ALK: variants seen among roughly 807,000 people sequenced by gnomAD.
ALK encodes the protein ALK tyrosine kinase receptor.
ALK carries 74 observed loss-of-function variants against 163.1 expected under a neutral mutation model. The observed-to-expected ratio is 0.45, with a 90% confidence interval of 0.38 to 0.55. The LOEUF is 0.55. ALK is among the 20% of genes least tolerant of loss of function. ALK has a pLI of 0.00. For synonymous variants in ALK, 960 were observed against 843.2 expected, an observed-to-expected ratio of 1.14 and a Z score of -2.40; for missense variants, 2,063 against 2,105.3, an observed-to-expected ratio of 0.98 and a Z score of 0.39.
chr2:29,681,328 T>C (rs1340300162), intron 3 of ALK: 5 of 152,246 alleles, frequency 3.3e-5, no homozygotes, highest in Non-Finnish European at 5.9e-5. Flanking sequence ...CCCAGCTGTT[T>C]TGATTTTTAA....
intron 5 of ALK, among the ~76,000 whole-genome samples, chr2:29,342,359 G>A (rs1020234858): frequency 6.6e-6 from 1 of 152,148 alleles, no homozygotes; most frequent in African/African-American, 2.4e-5. Context: ...AAAGACAAAT[G>A]TGCCATTTCA....
chr2:29,339,799 A>G (rs1222887380), intron 5 of ALK, among the ~76,000 whole-genome samples: 1 of 152,142 alleles, frequency 6.6e-6, no homozygotes, highest in African/African-American at 2.4e-5. Flanking sequence ...CTAGGGTGGG[A>G]CCAGGGCTGT....
intron 11 of ALK, among the ~76,000 whole-genome samples, chr2:29,271,981 A>C (rs1409224668): frequency 6.6e-6 from 1 of 152,152 alleles, no homozygotes; most frequent in East Asian, 1.9e-4. Flanking sequence ...TCCAAGGAGA[A>C]GGATAGAGGG....
At chr2:29,652,262 C>A (rs1446247327) in intron 3 of ALK, among the ~76,000 whole-genome samples, 3 of 152,018 alleles carry the variant, frequency 2.0e-5, no homozygotes, top group African/African-American at 7.2e-5. Flanking sequence ...TTATAGTCTT[C>A]AGATTGGGAA....
chr2:29,606,406 G>A (rs958434210), intron 3 of ALK, among the ~76,000 whole-genome samples: 1 of 152,244 alleles, frequency 6.6e-6, no homozygotes, highest in Non-Finnish European at 1.5e-5. Flanking sequence ...ATCTACATGG[G>A]CCATTCTAGG....
At chr2:29,872,881 A>G (rs1288054215) in intron 1 of ALK, among the ~76,000 whole-genome samples, 1 of 152,236 alleles carries the variant, frequency 6.6e-6, no homozygotes, top group Admixed American at 6.5e-5. Flanking sequence ...GAATGTACAG[A>G]CAAATCCTCT....
intron 4 of ALK, among the ~76,000 whole-genome samples, chr2:29,434,347 A>T (rs948165978): frequency 1.3e-5 from 2 of 152,190 alleles, no homozygotes; most frequent in Non-Finnish European, 2.9e-5. Context: ...CTGAAAGATG[A>T]GAAAGTAGAA....
intron 12 of ALK, among the ~76,000 whole-genome samples, chr2:29,240,761 G>A (rs974170960): frequency 1.3e-5 from 2 of 152,278 alleles, no homozygotes; most frequent in Non-Finnish European, 2.9e-5. Context: ...TCAGAAGAGC[G>A]GCATGTCTTG....
At chr2:29,372,784 G>C (rs989319121) in intron 5 of ALK, among the ~76,000 whole-genome samples, 15 of 152,040 alleles carry the variant, frequency 9.9e-5, no homozygotes, top group Non-Finnish European at 1.5e-5. Flanking sequence ...CATCTTTTTG[G>C]CCATTTCACT....
At chr2:29,555,425 C>A (rs1432316616) in intron 3 of ALK, among the ~76,000 whole-genome samples, 3 of 152,032 alleles carry the variant, frequency 2.0e-5, no homozygotes, top group Admixed American at 6.6e-5. Context: ...GGGTAATCTC[C>A]CCAGTCATGG....
intron 4 of ALK, among the ~76,000 whole-genome samples, chr2:29,432,352 T>C (rs912529477): frequency 6.6e-6 from 1 of 152,126 alleles, no homozygotes. Flanking sequence ...CATTGCTCTC[T>C]CCCTTGCCAT....
chr2:29,584,574 C>T (rs1158570020), intron 3 of ALK, among the ~76,000 whole-genome samples: 2 of 152,202 alleles, frequency 1.3e-5, no homozygotes, highest in African/African-American at 4.8e-5. Flanking sequence ...CCCTGCCCTT[C>T]ACTTCTTCCT....
At chr2:29,831,520 G>A (rs1020648380) in intron 1 of ALK, among the ~76,000 whole-genome samples, 3 of 152,078 alleles carry the variant, frequency 2.0e-5, no homozygotes, top group Admixed American at 2.0e-4. Context: ...TTTACTGTGT[G>A]TGCTGTGTCC....
At chr2:29,429,051 C>T (rs1670212136) in intron 4 of ALK, among the ~76,000 whole-genome samples, 1 of 151,920 alleles carries the variant, frequency 6.6e-6, no homozygotes, top group African/African-American at 2.4e-5. Flanking sequence ...CAAACTTGAA[C>T]ACCGTATCAT....
intron 6 of ALK, among the ~76,000 whole-genome samples, chr2:29,325,641 G>T (rs1667232898): frequency 6.6e-6 from 1 of 152,218 alleles, no homozygotes; most frequent in South Asian, 2.1e-4. Context: ...TTACCCTGCA[G>T]TGGTTTGAGT....
chr2:29,328,200 G>C, intron 6 of ALK, 150 bp downstream of exon 6: 1 of 1,117,382 alleles, frequency 8.9e-7, no homozygotes, highest in Non-Finnish European at 1.3e-6. Flanking sequence ...TCTGCCTCTT[G>C]AAGACTGTGT....
chr2:29,763,039 A>T (rs893432799), intron 1 of ALK, among the ~76,000 whole-genome samples: 1 of 149,988 alleles, frequency 6.7e-6, no homozygotes, highest in African/African-American at 2.5e-5. Flanking sequence ...GTGAGCCGAG[A>T]TCGCGCCACT....
intron 2 of ALK, among the ~76,000 whole-genome samples, chr2:29,709,950 G>C (rs939404786): frequency 1.3e-5 from 2 of 152,132 alleles, no homozygotes; most frequent in Non-Finnish European, 2.9e-5. Context: ...TGGCTTTGCT[G>C]TTGATATGAT....
chr2:29,717,839 C>T, intron 1 of ALK, 142 bp from the exon 2 acceptor site: 2 of 1,049,100 alleles, frequency 1.9e-6, no homozygotes, highest in Middle Eastern at 2.1e-4. Flanking sequence ...AATTGAGCCA[C>T]CAGTAGACTG....
Sources: allele counts gnomAD v4.1 joint callset (sites outside exome capture counted in the v4.1 genomes callset), GRCh38; gene constraint gnomAD v4.1.1; transcripts MANE v1.5; gene names NCBI Gene and HGNC (gene_info 2026-07-23, HGNC 2026-07-21).